NRXN3: variants seen among roughly 807,000 people sequenced by gnomAD.
NRXN3 encodes the protein neurexin 3.
Under a neutral mutation model 137.6 loss-of-function variants are expected in NRXN3, and 32 were observed. The observed-to-expected ratio is 0.23, with a 90% CI of 0.18 to 0.31. The LOEUF is 0.31. Among genes scored for constraint, NRXN3 ranks in the 10% least tolerant of loss-of-function variants. The pLI is 1.00. For missense variants in NRXN3, 1,574 were observed against 2,062.5 expected (o/e 0.76, Z 4.59); for synonymous variants, 798 against 784.5 (o/e 1.02, Z -0.29).
chr14:78,635,105 A>C (rs1185031997), intron 4 of NRXN3, among the ~76,000 whole-genome samples: 1 of 152,158 alleles, frequency 6.6e-6, no homozygotes, highest in Non-Finnish European at 1.5e-5. Context: ...TTTTCTCTAG[A>C]TACTTAAAGG....
rs778337123 is a variant in NRXN3, at chr14:79,401,829, GATTTTA to G, written c.3263-65391_3263-65386del. On this transcript the variant is annotated intron_variant, in intron 15 of 20. Transcript: ENST00000335750. The stretch of plus-strand genomic sequence containing the variant: ...ACTGATGAATAAGTACGTGTAAACT[GATTTTA>G]GTTTTCCTGGTAATGAAAAAAAAAA... Among the ~76,000 whole-genome samples the G allele has an allele frequency of 5.8e-4, 86 of 148,332 alleles. No homozygotes were observed. The Middle Eastern group carries it at 0.014, about 24-fold the overall frequency.
chr14:79,594,816 G>A (rs997053590), intron 16 of NRXN3, among the ~76,000 whole-genome samples: 3 of 152,084 alleles, frequency 2.0e-5, no homozygotes, highest in Non-Finnish European at 4.4e-5. Context: ...TAGTTTTATA[G>A]CTCATCTAAG....
chr14:78,640,079 T>G (rs2097606653), intron 4 of NRXN3, among the ~76,000 whole-genome samples: 1 of 152,186 alleles, frequency 6.6e-6, no homozygotes, highest in Non-Finnish European at 1.5e-5. Context: ...TTCCAATGAT[T>G]GCATTTGGAT....
At chr14:79,527,064 A>G (rs2097126948) in intron 16 of NRXN3, among the ~76,000 whole-genome samples, 1 of 152,100 alleles carries the variant, frequency 6.6e-6, no homozygotes, top group Non-Finnish European at 1.5e-5. Context: ...AGGCAGGTGG[A>G]TCACCCTGTC....
In NRXN3 at chr14:79,643,834, G is replaced by C. The variant is rs1177466218; in HGVS notation, c.3445-19944G>C. Among the ~76,000 whole-genome samples the C allele has an allele frequency of 1.5e-5, 2 of 135,214 alleles. 1 individual carries two copies. Among genetic ancestry groups the C allele is most frequent in the Non-Finnish European group, 3.4e-5 (2 of 58,230 alleles). The allele number at this position is 135,214 out of a possible 152,430, so 88.7% of individuals were successfully genotyped here. A position where few individuals can be genotyped will look rare whatever the true frequency, so the allele number is the denominator to read the frequency against. ...CAGGAAGCCTTCCTTGCTTTCCCTAGCAGAACAACAATTTCTACTGAAACC... is the reference window on the plus strand; with the variant it reads ...CAGGAAGCCTTCCTTGCTTTCCCTACCAGAACAACAATTTCTACTGAAACC... On this transcript the variant is annotated intron_variant, in intron 16 of 20. Transcript: ENST00000335750.
intron 8 of NRXN3, among the ~76,000 whole-genome samples, chr14:78,723,094 A>G (rs766576889): frequency 2.0e-5 from 3 of 152,222 alleles, no homozygotes; most frequent in Non-Finnish European, 4.4e-5. Flanking sequence ...AGGGCCAGCC[A>G]GCCATGAAAC....
chr14:78,423,058 G>T (rs2093513580), intron 4 of NRXN3, among the ~76,000 whole-genome samples: 1 of 152,194 alleles, frequency 6.6e-6, no homozygotes, highest in African/African-American at 2.4e-5. Context: ...GCTCTAAATT[G>T]TGTTGGTTTT....
rs998828321 is a variant in NRXN3, at chr14:79,747,444, C to T, written c.4014+49507C>T. 2.9e-4 allele frequency among the ~76,000 whole-genome samples: 44 copies of T among 152,054 alleles called. 1 individual carries two copies. The highest frequency in any genetic ancestry group is 1.5e-4 in the Non-Finnish European group (10 of 68,010). On this transcript the variant is annotated intron_variant, in intron 19 of 20. Transcript: ENST00000335750. The stretch of plus-strand genomic sequence containing the variant: ...TCACAACTTCTCCAGGAAAATAGTG[C>T]AGTGGGAGAACCCTGAACTCAGGAA...
At chr14:78,942,339 G>A (rs2099354740) in intron 10 of NRXN3, among the ~76,000 whole-genome samples, 1 of 152,102 alleles carries the variant, frequency 6.6e-6, no homozygotes, top group Admixed American at 6.5e-5. Context: ...AACTCTTCCT[G>A]TCTTAACACT....
At chr14:79,261,359 A>G (rs2077546108) in intron 15 of NRXN3, among the ~76,000 whole-genome samples, 1 of 152,164 alleles carries the variant, frequency 6.6e-6, no homozygotes, top group African/African-American at 2.4e-5. Context: ...GGGAAGGAGA[A>G]AGGGACATAT....
chr14:79,748,590 G>A (rs769563938), intron 19 of NRXN3, among the ~76,000 whole-genome samples: 3 of 152,040 alleles, frequency 2.0e-5, no homozygotes, highest in Non-Finnish European at 2.9e-5. Flanking sequence ...AGTTATGGAC[G>A]ATGCATTTGA....
At chr14:78,466,627 T>G (rs2095114750) in intron 4 of NRXN3, among the ~76,000 whole-genome samples, 2 of 151,976 alleles carry the variant, frequency 1.3e-5, no homozygotes, top group Admixed American at 1.3e-4. Flanking sequence ...TATGGAGAAA[T>G]TTTTAAAGAG....
At position 78,924,426 on chromosome 14, in the gene NRXN3, T is replaced by G. The variant is rs1201622750; in HGVS notation, c.2276-32816T>G. Among the ~76,000 whole-genome samples the G allele has an allele frequency of 2.0e-5, 3 of 152,066 alleles. No homozygotes were observed. The South Asian group carries it at 6.2e-4, about 32-fold the overall frequency. ...AATGAAGAAGAGATGATAAGAGACA[T>G]CCCTAAGCTCCCACTGACATAAAAT... is the stretch of plus-strand genomic sequence containing the variant. On this transcript the variant is annotated intron_variant, in intron 10 of 20. Coordinates refer to ENST00000335750, the MANE Select transcript of NRXN3 (RefSeq NM_001330195.2).
chr14:79,253,338 T>C lies in NRXN3; in HGVS notation c.3263-213883T>C, dbSNP rs113094633. Among the ~76,000 whole-genome samples the C allele has an allele frequency of 5.6e-3, 847 of 152,274 alleles. 11 individuals carry two copies. Among genetic ancestry groups the C allele is most frequent in the African/African-American group, 0.018 (762 of 41,566 alleles). On this transcript the variant is annotated intron_variant, in intron 15 of 20. Transcript: ENST00000335750. ...ATAGTTTAGGTATGGTTGCCAGTTC[T>C]GTGGGGAATACAGTAAAAGCTTTCA...
At chr14:79,582,545 C>G (rs866372416) in intron 16 of NRXN3, among the ~76,000 whole-genome samples, 1 of 151,998 alleles carries the variant, frequency 6.6e-6, no homozygotes, top group African/African-American at 2.4e-5. Context: ...CTCAGCCTCC[C>G]GAGTAGCTGG....
intron 1 of NRXN3, among the ~76,000 whole-genome samples, chr14:78,204,500 A>T (rs1039896863): frequency 1.3e-5 from 2 of 152,226 alleles, no homozygotes; most frequent in African/African-American, 4.8e-5. Flanking sequence ...ACTGTGAGAA[A>T]AGTTTTAAAA....
chr14:78,842,349 C>T (rs902959939), intron 10 of NRXN3, among the ~76,000 whole-genome samples: 135 of 152,012 alleles, frequency 8.9e-4, no homozygotes, highest in Non-Finnish European at 1.1e-3. Context: ...CATCACATAT[C>T]GGCAGGTTCC....
At chr14:78,773,344 C>T (rs1334005399) in intron 8 of NRXN3, among the ~76,000 whole-genome samples, 2 of 152,068 alleles carry the variant, frequency 1.3e-5, no homozygotes, top group Non-Finnish European at 2.9e-5. Flanking sequence ...GATTCCTACT[C>T]CTCCCCTTCC....
intron 15 of NRXN3, among the ~76,000 whole-genome samples, chr14:79,005,720 G>T (rs945979704): frequency 6.6e-6 from 1 of 151,948 alleles, no homozygotes; most frequent in South Asian, 2.1e-4. Flanking sequence ...TGTTCAATGG[G>T]CCTTGTACTG....
Sources: allele counts gnomAD v4.1 joint callset (sites outside exome capture counted in the v4.1 genomes callset), GRCh38; gene constraint gnomAD v4.1.1; transcripts MANE v1.5; gene names NCBI Gene and HGNC (gene_info 2026-07-23, HGNC 2026-07-21).